Variants in KIF2A observed in about 807,000 individuals in gnomAD.
KIF2A encodes kinesin-like protein KIF2A.
KIF2A carries 22 observed loss-of-function variants against 100.2 expected under a neutral mutation model. The ratio of observed to expected loss-of-function variants is 0.22; its 90% confidence interval spans 0.16 to 0.31. The LOEUF is 0.31. Ranked by LOEUF, KIF2A falls within the 10% of genes least tolerant of loss-of-function variation. The pLI is 1.00. For missense variants in KIF2A, 495 were observed against 898.7 expected (o/e 0.55, Z 5.74); for synonymous variants, 268 against 285.9 (o/e 0.94, Z 0.63).
At position 62,390,942 on chromosome 5, in the gene KIF2A, T is replaced by C; in HGVS notation, c.*5373T>C. ...ACTAAAACCTGTGCTGGTTAGGATT[T>C]GCTGTATTTTATCTGCTATGCTGAA... On this transcript the variant is annotated 3_prime_UTR_variant, in exon 21 of 21. Transcript: ENST00000407818. 6.2e-7 allele frequency: 1 copy of C among 1,612,836 alleles called. No individual in the cohort carries two copies. Among genetic ancestry groups the C allele is most frequent in the Non-Finnish European group, 8.5e-7 (1 of 1,179,908 alleles).
intron 12 of KIF2A, 70 bp downstream of exon 12, chr5:62,362,611 A>G: frequency 1.5e-6 from 1 of 648,142 alleles, no homozygotes; most frequent in Non-Finnish European, 2.4e-6. Flanking sequence ...CATTTTAACC[A>G]TTTTTAAGTT....
chr5:62,345,815 C>T (rs1170154331), intron 1 of KIF2A, among the ~76,000 whole-genome samples: 1 of 151,934 alleles, frequency 6.6e-6, no homozygotes, highest in Non-Finnish European at 1.5e-5. Flanking sequence ...ATTATAGATG[C>T]CCCCAAGGAT....
intron 14 of KIF2A, among the ~76,000 whole-genome samples, 159 bp downstream of exon 14, chr5:62,364,058 T>G (rs1272587025): frequency 6.6e-6 from 1 of 152,214 alleles, no homozygotes; most frequent in African/African-American, 2.4e-5. Flanking sequence ...ACCCAGATTT[T>G]TTCCTTGCAC....
chr5:62,337,144 A>ACTATT (rs1747001119), intron 1 of KIF2A, among the ~76,000 whole-genome samples: 1 of 152,240 alleles, frequency 6.6e-6, no homozygotes, highest in Admixed American at 6.5e-5. Flanking sequence ...TTTCACACCA[A>ACTATT]CTATTCTAGA....
chr5:62,321,002 T>A (rs930097256), intron 1 of KIF2A, among the ~76,000 whole-genome samples: 8 of 152,212 alleles, frequency 5.3e-5, no homozygotes, highest in Non-Finnish European at 5.9e-5. Context: ...ATTTGTCTGT[T>A]TTGGACATTG....
rs201448855 is a variant in KIF2A at position 62,357,193 on chromosome 5, C to T, written c.655-498C>T. Among the ~76,000 whole-genome samples, 20 of 152,058 alleles carry T rather than the reference C, an allele frequency of 1.3e-4. No homozygotes were observed. In the East Asian group the frequency reaches 3.9e-3, roughly 29 times the overall value. On this transcript the variant is annotated intron_variant, in intron 7 of 20. Transcript: ENST00000407818. ...CCACCTCCCAGGTTCAAGTGATTCT[C>T]CCACATCAGCCTCCCGAGTAGCTGG... is the stretch of plus-strand genomic sequence containing the variant.
At chr5:62,374,778 T>TA (rs1237015329) in intron 18 of KIF2A, among the ~76,000 whole-genome samples, 1 of 152,024 alleles carries the variant, frequency 6.6e-6, no homozygotes, top group Admixed American at 6.6e-5. Flanking sequence ...ACTACAAAAA[T>TA]TAGCTGAGCA....
intron 1 of KIF2A, 39 bp downstream of exon 1, chr5:62,306,575 C>T (rs370806112): frequency 1.3e-6 from 2 of 1,517,524 alleles, no homozygotes; most frequent in African/African-American, 1.4e-5. Context: ...CGCTCGGCCC[C>T]GTGTTCGGGT....
chr5:62,322,273 C>G (rs1746139239), intron 1 of KIF2A, among the ~76,000 whole-genome samples: 1 of 152,166 alleles, frequency 6.6e-6, no homozygotes, highest in Non-Finnish European at 1.5e-5. Flanking sequence ...CTTCTGGATA[C>G]TACTGCCATA....
rs141198988 is a variant in KIF2A, at chr5:62,328,161, T to G, written c.65-18969T>G. ...GTATTCTAAATAGGAAATCTTGTAT[T>G]CTTTAACACGTAAGTAAAGATACAT... On this transcript the variant is annotated intron_variant, in intron 1 of 20. Transcript: ENST00000407818. Among the ~76,000 whole-genome samples the G allele has an allele frequency of 3.6e-3, 545 of 152,340 alleles. 11 individuals carry two copies. The highest frequency in any genetic ancestry group is 0.024 in the East Asian group (127 of 5,186).
At chr5:62,340,157 A>G (rs1747220614) in intron 1 of KIF2A, among the ~76,000 whole-genome samples, 1 of 151,854 alleles carries the variant, frequency 6.6e-6, no homozygotes, top group African/African-American at 2.4e-5. Context: ...GGCTGGTCTC[A>G]AACTCCTGAT....
At chr5:62,324,447 C>G (rs112522424) in intron 1 of KIF2A, among the ~76,000 whole-genome samples, 2,874 of 152,270 alleles carry the variant, frequency 0.019, 29 homozygotes, top group Middle Eastern at 0.051. Flanking sequence ...TATACTACCC[C>G]CATTTCAAGC....
In KIF2A at chr5:62,363,768, A is replaced by C. The variant is rs1205655229; in HGVS notation, c.1336A>C (p.Lys446Gln). 1.9e-6 allele frequency: 3 copies of C among 1,613,840 alleles called. No individual in the cohort carries two copies. In the South Asian group the frequency reaches 3.3e-5, roughly 18 times the overall value. The change falls in exon 14 of 21, where the codon AAA becomes CAA. Residue 446 changes from lysine to glutamine, a missense_variant. Transcript: ENST00000407818. ...HAVFQIILRR[K>Q]GKLHGKFSLI... ...AGTGTTTCAGATTATTCTTAGAAGG[A>C]AAGGAAAACTACATGGCAAATTTTC...
At chr5:62,312,508 AC>A (rs1479148470) in intron 1 of KIF2A, among the ~76,000 whole-genome samples, 3 of 152,188 alleles carry the variant, frequency 2.0e-5, no homozygotes, top group African/African-American at 4.8e-5. Flanking sequence ...CTGTTTTGTA[AC>A]CTAAAATAAT....
Position 62,389,484 on chromosome 5 carries a change from T to C in KIF2A, c.*3915T>C, listed in dbSNP as rs1580117259. ...CTGGGTGACAGAGCAAGACTCTGTCTCAAAAAAAAAAAAAAAAGAAATGTT... is the reference window on the plus strand; with the variant it reads ...CTGGGTGACAGAGCAAGACTCTGTCCCAAAAAAAAAAAAAAAAGAAATGTT... On this transcript the variant is annotated 3_prime_UTR_variant, in exon 21 of 21. Transcript: ENST00000407818. 5.0e-5 allele frequency among the ~76,000 whole-genome samples: 2 copies of C among 39,868 alleles called. No individual in the cohort carries two copies. The highest frequency in any genetic ancestry group is 8.6e-5 in the Non-Finnish European group (2 of 23,378). 26.2% of individuals were successfully genotyped at this position (39,868 alleles called of 152,430 possible). A position where few individuals can be genotyped will look rare whatever the true frequency, so the allele number is the denominator to read the frequency against.
At chr5:62,306,635 G>C in intron 1 of KIF2A, 99 bp downstream of exon 1, 1 of 988,992 alleles carries the variant, frequency 1.0e-6, no homozygotes. Context: ...TGCTTCGCCG[G>C]GCTGTGGGGG....
At chr5:62,347,980 A>C in intron 2 of KIF2A, 68 bp from the exon 3 acceptor site, 1 of 1,521,038 alleles carries the variant, frequency 6.6e-7, no homozygotes, top group Non-Finnish European at 9.0e-7. Flanking sequence ...TCATCAATTT[A>C]CTTGAAAAGT....
At chr5:62,348,926 C>T (rs1384561661) in intron 3 of KIF2A, among the ~76,000 whole-genome samples, 1 of 152,150 alleles carries the variant, frequency 6.6e-6, no homozygotes, top group East Asian at 1.9e-4. Flanking sequence ...GGCTTTCAGC[C>T]TGTAGGAACT....
In KIF2A at chr5:62,361,526, G is replaced by A. The variant is rs758143705; in HGVS notation, c.1024G>A (p.Ala342Thr). The change falls in exon 11 of 21, where the codon GCA becomes ACA. Residue 342 changes from alanine to threonine, a missense_variant. Physicochemically the swap from Ala to Thr is moderately conservative, Grantham distance 58 (BLOSUM62 0). Around this residue, in one of 10 missense-constraint regions of KIF2A, gnomAD observed 109 missense variants for 244.2 expected, o/e 0.45. Transcript: ENST00000407818. ...QDCSKGIYAL[A>T]ARDVFLMLKK... The stretch of plus-strand genomic sequence containing the variant: ...TTGTTCTAAAGGAATTTATGCATTA[G>A]CAGGTAACTGTCCTTTTTCCATAAA... The A allele has an allele frequency of 2.5e-5, 38 of 1,541,680 alleles. No homozygotes were observed. Among genetic ancestry groups the A allele is most frequent in the Non-Finnish European group, 3.3e-5 (37 of 1,115,982 alleles).
Sources: gnomAD v4.1 joint callset for allele counts (sites outside exome capture counted in the v4.1 genomes callset) on GRCh38, gnomAD v4.1.1 for gene constraint, gnomAD v4.1.1 regional missense constraint, MANE v1.5 for transcripts, NCBI Gene and HGNC (gene_info 2026-07-23, HGNC 2026-07-21) for gene names.